KCND2: variants seen among roughly 807,000 people sequenced by gnomAD.
KCND2 encodes the protein potassium voltage-gated channel subfamily D member 2.
Under a neutral mutation model 54.4 loss-of-function variants are expected in KCND2, and 16 were observed. The ratio of observed to expected loss-of-function variants is 0.29; its 90% confidence interval spans 0.20 to 0.45. The LOEUF is 0.45. Ranked by LOEUF, KCND2 falls within the 20% of genes least tolerant of loss-of-function variation. The probability of loss-of-function intolerance (pLI) is 1.00; values close to 1 mark genes in which losing one functional copy is unlikely to be tolerated. For synonymous variants in KCND2, 317 were observed against 310.7 expected (o/e 1.02, Z -0.21); for missense variants, 486 against 824.2 (o/e 0.59, Z 5.02).
intron 1 of KCND2, among the ~76,000 whole-genome samples, chr7:120,700,075 T>C (rs1190226508): frequency 1.3e-5 from 2 of 152,092 alleles, no homozygotes; most frequent in Admixed American, 6.5e-5. Flanking sequence ...AGGGGTGATA[T>C]TGAAAACAGT....
chr7:120,316,854 T>G (rs11760877), intron 1 of KCND2, among the ~76,000 whole-genome samples: 101,937 of 148,396 alleles, frequency 0.69, 37,864 homozygotes, highest in South Asian at 0.91. Flanking sequence ...TTTTTTTTTT[T>G]GGGACGAGGT....
At chr7:120,598,728 T>C (rs1221624582) in intron 1 of KCND2, among the ~76,000 whole-genome samples, 1 of 152,222 alleles carries the variant, frequency 6.6e-6, no homozygotes, top group African/African-American at 2.4e-5. Flanking sequence ...ATTTCTTTAT[T>C]GCATATTCTC....
intron 1 of KCND2, among the ~76,000 whole-genome samples, chr7:120,468,866 CTTATTCTTCAT>C (rs76028023): frequency 0.17 from 25,935 of 152,106 alleles, 2,710 homozygotes; most frequent in African/African-American, 0.29. Flanking sequence ...CAGCTCCAAG[CTTATTCTTCAT>C]TGATTCCCTG....
intron 1 of KCND2, among the ~76,000 whole-genome samples, chr7:120,590,844 G>T (rs562608976): frequency 1.3e-5 from 2 of 152,180 alleles, no homozygotes; most frequent in South Asian, 4.1e-4. Context: ...TCATTATGTA[G>T]ATCCTTGTCT....
intron 1 of KCND2, among the ~76,000 whole-genome samples, chr7:120,700,603 GAGA>G (rs951637162): frequency 2.6e-5 from 4 of 152,060 alleles, no homozygotes; most frequent in African/African-American, 9.7e-5. Context: ...TCAAACTTTG[GAGA>G]ATTTAAAAAA....
chr7:120,715,355 A>G (rs908744290), intron 1 of KCND2, among the ~76,000 whole-genome samples: 9 of 152,084 alleles, frequency 5.9e-5, no homozygotes, highest in Admixed American at 6.6e-5. Context: ...TAAATATCCA[A>G]TTTATGAAAG....
At chr7:120,361,939 G>T (rs953541319) in intron 1 of KCND2, among the ~76,000 whole-genome samples, 2 of 152,144 alleles carry the variant, frequency 1.3e-5, no homozygotes, top group Non-Finnish European at 2.9e-5. Flanking sequence ...TGCCTTTTCT[G>T]TGGATCCAAT....
At chr7:120,579,296 T>C (rs1792482225) in intron 1 of KCND2, among the ~76,000 whole-genome samples, 1 of 152,126 alleles carries the variant, frequency 6.6e-6, no homozygotes, top group African/African-American at 2.4e-5. Context: ...GATTTATCTT[T>C]TAGTTTTTTC....
At chr7:120,542,861 G>C (rs1791995837) in intron 1 of KCND2, among the ~76,000 whole-genome samples, 2 of 152,120 alleles carry the variant, frequency 1.3e-5, no homozygotes, top group African/African-American at 4.8e-5. Context: ...CTTGCTATCA[G>C]TCAGGCAATG....
intron 1 of KCND2, among the ~76,000 whole-genome samples, chr7:120,640,457 C>T (rs1176201065): frequency 6.6e-6 from 1 of 151,852 alleles, no homozygotes; most frequent in Admixed American, 6.6e-5. Context: ...TATGGAGTAC[C>T]GTATATTTAA....
At chr7:120,470,710 A>C (rs1802440750) in intron 1 of KCND2, among the ~76,000 whole-genome samples, 1 of 152,078 alleles carries the variant, frequency 6.6e-6, no homozygotes, top group Non-Finnish European at 1.5e-5. Flanking sequence ...ACTATTCTAG[A>C]AAAGGCATAG....
chr7:120,340,134 G>A (rs1800220191), intron 1 of KCND2, among the ~76,000 whole-genome samples: 1 of 152,104 alleles, frequency 6.6e-6, no homozygotes, highest in African/African-American at 2.4e-5. Flanking sequence ...CATTACACAA[G>A]GATCACTGTA....
intron 2 of KCND2, among the ~76,000 whole-genome samples, chr7:120,738,761 G>C (rs1002405996): frequency 6.6e-6 from 1 of 151,948 alleles, no homozygotes; most frequent in Non-Finnish European, 1.5e-5. Flanking sequence ...TACATAATTG[G>C]TGCTGCCAAG....
intron 1 of KCND2, among the ~76,000 whole-genome samples, chr7:120,351,575 G>C (rs1458143808): frequency 6.6e-6 from 1 of 151,726 alleles, no homozygotes; most frequent in African/African-American, 2.4e-5. Flanking sequence ...TCTTGTTCAG[G>C]GGTCAGATAT....
At chr7:120,363,101 G>A (rs537108028) in intron 1 of KCND2, among the ~76,000 whole-genome samples, 5 of 152,184 alleles carry the variant, frequency 3.3e-5, no homozygotes, top group African/African-American at 1.2e-4. Context: ...AGGAGTTTAA[G>A]ACTAGCCTGG....
chr7:120,613,862 A>G (rs1240039440), intron 1 of KCND2, among the ~76,000 whole-genome samples: 2 of 152,168 alleles, frequency 1.3e-5, no homozygotes, highest in Non-Finnish European at 1.5e-5. Flanking sequence ...TCCAGTACAT[A>G]TACATATTAA....
intron 1 of KCND2, among the ~76,000 whole-genome samples, chr7:120,403,920 C>T (rs1333585208): frequency 6.6e-6 from 1 of 151,840 alleles, no homozygotes; most frequent in Non-Finnish European, 1.5e-5. Flanking sequence ...TATTTTTGCA[C>T]ATTGAGACTA....
intron 1 of KCND2, among the ~76,000 whole-genome samples, chr7:120,338,387 C>T (rs759379981): frequency 6.6e-6 from 1 of 151,628 alleles, no homozygotes; most frequent in East Asian, 1.9e-4. Flanking sequence ...AAATGTTGTA[C>T]ATTTTTGCTT....
intron 1 of KCND2, among the ~76,000 whole-genome samples, chr7:120,439,597 G>C (rs1801920516): frequency 2.0e-5 from 3 of 151,940 alleles, no homozygotes; most frequent in Admixed American, 2.0e-4. Context: ...TAGAACACTG[G>C]AACTTATTTC....
Sources: gnomAD v4.1 joint callset for allele counts (sites outside exome capture counted in the v4.1 genomes callset) on GRCh38, gnomAD v4.1.1 for gene constraint, MANE v1.5 for transcripts, NCBI Gene and HGNC (gene_info 2026-07-23, HGNC 2026-07-21) for gene names.